Variants in TRHDE observed in about 807,000 individuals in gnomAD.
TRHDE encodes the protein thyrotropin releasing hormone degrading enzyme, also known as thyrotropin-releasing hormone-degrading ectoenzyme.
In TRHDE, 72 loss-of-function variants were observed where a neutral mutation model predicts 125.7. The observed-to-expected ratio is 0.57, with a 90% confidence interval of 0.47 to 0.70. TRHDE has a LOEUF of 0.70. Ranked by LOEUF, TRHDE falls within the 30% of genes least tolerant of loss-of-function variation. The pLI is 0.00. For synonymous variants in TRHDE, 509 were observed against 509.1 expected (o/e 1.00, Z 0.00); for missense variants, 1,110 against 1,327.1 (o/e 0.84, Z 2.54).
intron 10 of TRHDE, among the ~76,000 whole-genome samples, chr12:72,570,917 G>A (rs1295358742): frequency 6.6e-6 from 1 of 152,144 alleles, no homozygotes; most frequent in Non-Finnish European, 1.5e-5. Context: ...ACTATCTTCT[G>A]TTTGATATAA....
At chr12:72,305,343 T>C (rs960996333) in intron 2 of TRHDE, among the ~76,000 whole-genome samples, 1 of 152,206 alleles carries the variant, frequency 6.6e-6, no homozygotes, top group African/African-American at 2.4e-5. Flanking sequence ...TAAATCCCAC[T>C]AAAAGGCTCC....
intron 2 of TRHDE, among the ~76,000 whole-genome samples, chr12:72,295,355 T>C (rs898506875): frequency 1.3e-5 from 2 of 152,092 alleles, no homozygotes; most frequent in African/African-American, 4.8e-5. Flanking sequence ...GCAGCCAGTG[T>C]GATGGCAGCA....
At chr12:72,592,562 TTTTC>T (rs1252936108) in intron 12 of TRHDE, among the ~76,000 whole-genome samples, 3 of 152,058 alleles carry the variant, frequency 2.0e-5, no homozygotes, top group Admixed American at 1.3e-4. Context: ...GTGATTTTTT[TTTTC>T]TCTCTCTCTC....
chr12:72,272,101 G>C (rs1049326381), upstream of TRHDE: 2 of 457,404 alleles, frequency 4.4e-6, no homozygotes, highest in Admixed American at 4.7e-5. This position sits in a 1 kb window ranked among gnomAD's most constrained non-coding sequence, Gnocchi z 6.7. Flanking sequence ...GGTGCCTCCC[G>C]TGCTGTGGCC....
chr12:72,238,339 T>TTATATATATATATATATATACACATTATA (rs1851662418), intron 2 of TRHDE, among the ~76,000 whole-genome samples: 1 of 21,164 alleles, frequency 4.7e-5, no homozygotes, highest in East Asian at 8.3e-4. Flanking sequence ...TATATACACA[T>TTATATATATATATATATATACACATTATA]TATATATATA....
chr12:72,451,637 T>G (rs1386985694), intron 3 of TRHDE, among the ~76,000 whole-genome samples: 6 of 152,108 alleles, frequency 3.9e-5, no homozygotes, highest in Admixed American at 1.3e-4. Flanking sequence ...CTTCTGTGGT[T>G]TTGTATAAAT....
At chr12:72,283,629 T>C (rs576693255) in intron 1 of TRHDE, among the ~76,000 whole-genome samples, 1 of 152,282 alleles carries the variant, frequency 6.6e-6, no homozygotes, top group South Asian at 2.1e-4. Flanking sequence ...TTCCCTAACA[T>C]ACTTACTTAC....
At chr12:72,621,076 CCTTAT>C (rs779572201) in intron 13 of TRHDE, 27 bp from the exon 14 acceptor site, 2 of 1,248,354 alleles carry the variant, frequency 1.6e-6, no homozygotes, top group Non-Finnish European at 2.3e-6. Flanking sequence ...TTTAAACTGA[CCTTAT>C]CTTTATTTAT....
chr12:72,249,368 G>C (rs531262648), intron 2 of TRHDE, among the ~76,000 whole-genome samples: 1 of 152,180 alleles, frequency 6.6e-6, no homozygotes, highest in South Asian at 2.1e-4. Flanking sequence ...AAAATAAGCA[G>C]AAGATTTTAG....
intron 6 of TRHDE, among the ~76,000 whole-genome samples, chr12:72,509,473 C>T (rs1878495816): frequency 6.6e-6 from 1 of 152,142 alleles, no homozygotes; most frequent in South Asian, 2.1e-4. Flanking sequence ...TTTCCCTGAG[C>T]TCTACCAAAC....
At chr12:72,343,235 A>G (rs1870163343) in intron 2 of TRHDE, among the ~76,000 whole-genome samples, 1 of 152,066 alleles carries the variant, frequency 6.6e-6, no homozygotes, top group South Asian at 2.1e-4. Context: ...GATATTGGGT[A>G]TTGGTGCCAG....
At chr12:72,494,319 A>T (rs1877810791) in intron 5 of TRHDE, among the ~76,000 whole-genome samples, 1 of 152,006 alleles carries the variant, frequency 6.6e-6, no homozygotes, top group East Asian at 1.9e-4. Context: ...CTCTGATGTA[A>T]CCCATGTCTC....
intron 2 of TRHDE, among the ~76,000 whole-genome samples, chr12:72,142,511 A>T (rs1876137724): frequency 6.6e-6 from 1 of 152,140 alleles, no homozygotes; most frequent in African/African-American, 2.4e-5. Context: ...TAATAGTGAT[A>T]TGAACAGGAG....
intron 1 of TRHDE, among the ~76,000 whole-genome samples, chr12:72,103,526 CTG>C (rs923858123): frequency 3.3e-4 from 50 of 152,172 alleles, no homozygotes; most frequent in Non-Finnish European, 1.0e-4. Flanking sequence ...TTTTCATTTA[CTG>C]TGAATCCTGT....
intron 2 of TRHDE, among the ~76,000 whole-genome samples, chr12:72,170,836 TTCTC>T (rs1876857102): frequency 6.6e-6 from 1 of 152,158 alleles, no homozygotes; most frequent in African/African-American, 2.4e-5. Context: ...CTCTCTGCCT[TTCTC>T]TCTCTGCACA....
intron 2 of TRHDE, among the ~76,000 whole-genome samples, chr12:72,355,462 G>A (rs564016685): frequency 5.3e-5 from 8 of 151,238 alleles, no homozygotes; most frequent in South Asian, 4.1e-4. Context: ...CCAAGAGGAC[G>A]ACCTAGGCAA....
At chr12:72,591,040 G>A (rs771445976) in intron 12 of TRHDE, among the ~76,000 whole-genome samples, 1 of 152,206 alleles carries the variant, frequency 6.6e-6, no homozygotes, top group Non-Finnish European at 1.5e-5. Flanking sequence ...GATCATTGCA[G>A]AAGGCAAAGG....
chr12:72,631,851 C>A (rs1873509693), intron 15 of TRHDE, among the ~76,000 whole-genome samples: 1 of 151,894 alleles, frequency 6.6e-6, no homozygotes, highest in Non-Finnish European at 1.5e-5. Context: ...AACAAAATGG[C>A]AATAATCAAT....
intron 3 of TRHDE, among the ~76,000 whole-genome samples, chr12:72,389,853 T>C (rs541783375): frequency 5.3e-4 from 80 of 152,198 alleles, no homozygotes; most frequent in Middle Eastern, 6.8e-3. Flanking sequence ...GAACAGACTA[T>C]TGGGGGATGG....
Sources: gnomAD v4.1 joint callset for allele counts (sites outside exome capture counted in the v4.1 genomes callset) on GRCh38, gnomAD v4.1.1 for gene constraint, Gnocchi (gnomAD v3.1) non-coding constraint, MANE v1.5 for transcripts, NCBI Gene and HGNC (gene_info 2026-07-23, HGNC 2026-07-21) for gene names.